ASIC2: variants seen among roughly 807,000 people sequenced by gnomAD.
ASIC2 encodes acid sensing ion channel subunit 2.
In ASIC2, 25 loss-of-function variants were observed where a neutral mutation model predicts 57.3. That is an observed-to-expected ratio of 0.44 (90% CI 0.32 to 0.61). The LOEUF is 0.61. Among genes scored for constraint, ASIC2 ranks in the 20% least tolerant of loss-of-function variants. The pLI, the probability that ASIC2 is intolerant of heterozygous loss-of-function variation, is 0.06. For missense variants in ASIC2, 641 were observed against 738.1 expected, an observed-to-expected ratio of 0.87 and a Z score of 1.52; for synonymous variants, 319 against 307.5, an observed-to-expected ratio of 1.04 and a Z score of -0.39.
chr17:33,024,012 G>C lies in ASIC2; in HGVS notation c.1198C>G (p.Leu400Val). The change falls in exon 6 of 10, where the codon CTG becomes GTG. Residue 400 changes from leucine (L) to valine (V), a missense_variant and splice_region_variant. Physicochemically the swap from Leu to Val is conservative, Grantham distance 32 (BLOSUM62 1). This residue lies in a region of ASIC2 where 252 missense variants were observed against 319.8 expected (regional missense o/e 0.79). Coordinates refer to ENST00000225823, the MANE Select transcript of ASIC2 (RefSeq NM_183377.2). ...HKECAEPALG[L>V]LAEKDSNYCL... ...TAATTGCTGTCCTTTTCCGCCAACA[G>C]ACCTGGAGGGGAGAGTGAGGTGGGG... The C allele has an allele frequency of 6.2e-7, 1 of 1,614,110 alleles. No individual in the cohort carries two copies. Among genetic ancestry groups the C allele is most frequent in the Non-Finnish European group, 8.5e-7 (1 of 1,180,016 alleles).
intron 1 of ASIC2, among the ~76,000 whole-genome samples, chr17:33,161,170 T>G (rs979963919): frequency 6.6e-6 from 1 of 152,080 alleles, no homozygotes; most frequent in African/African-American, 2.4e-5. Flanking sequence ...TGAGAAAGGG[T>G]GGGGGAGATG....
chr17:33,805,619 G>A (rs1274341929), intron 1 of ASIC2, among the ~76,000 whole-genome samples: 1 of 152,210 alleles, frequency 6.6e-6, no homozygotes, highest in Non-Finnish European at 1.5e-5. Context: ...TATATGGTGA[G>A]TAAAAGACTT....
At chr17:33,307,997 A>T (rs771641924) in intron 1 of ASIC2, among the ~76,000 whole-genome samples, 1 of 152,236 alleles carries the variant, frequency 6.6e-6, no homozygotes, top group South Asian at 2.1e-4. Context: ...TATTCATCTC[A>T]GTGCCATAGG....
intron 1 of ASIC2, among the ~76,000 whole-genome samples, chr17:33,440,903 T>A (rs1282443903): frequency 1.3e-5 from 2 of 152,226 alleles, no homozygotes; most frequent in African/African-American, 4.8e-5. Flanking sequence ...TTATTTGCAA[T>A]ATTTTTATTA....
chr17:33,323,875 A>G (rs533098854), intron 1 of ASIC2, among the ~76,000 whole-genome samples: 3 of 151,952 alleles, frequency 2.0e-5, no homozygotes, highest in Non-Finnish European at 4.4e-5. Context: ...AGTTACTAGA[A>G]ACAAGCGTGG....
chr17:33,267,514 ACT>A (rs1378879953), intron 1 of ASIC2, among the ~76,000 whole-genome samples: 1 of 152,120 alleles, frequency 6.6e-6, no homozygotes, highest in Non-Finnish European at 1.5e-5. Context: ...TCAGTCACTG[ACT>A]CTGAACCCAA....
At chr17:33,659,544 A>T (rs964011832) in intron 1 of ASIC2, among the ~76,000 whole-genome samples, 5 of 152,176 alleles carry the variant, frequency 3.3e-5, no homozygotes, top group Non-Finnish European at 5.9e-5. Flanking sequence ...AACAAAGAAA[A>T]GATACAGTAA....
chr17:33,663,619 C>T (rs558874127), intron 1 of ASIC2, among the ~76,000 whole-genome samples: 1 of 152,156 alleles, frequency 6.6e-6, no homozygotes, highest in Non-Finnish European at 1.5e-5. Flanking sequence ...AGGTTCGTGG[C>T]AGGGCTGAGT....
intron 1 of ASIC2, among the ~76,000 whole-genome samples, chr17:33,589,660 T>A (rs1232729927): frequency 1.3e-5 from 2 of 152,256 alleles, no homozygotes; most frequent in Admixed American, 1.3e-4. Flanking sequence ...CAGAACAATG[T>A]CCTTAGGATT....
chr17:33,910,043 G>A (rs1174319948), intron 1 of ASIC2, among the ~76,000 whole-genome samples: 1 of 152,156 alleles, frequency 6.6e-6, no homozygotes, highest in Non-Finnish European at 1.5e-5. Flanking sequence ...ATTGTTATGA[G>A]TGTTAAATGA....
At chr17:33,275,927 A>G (rs1857883420) in intron 1 of ASIC2, among the ~76,000 whole-genome samples, 1 of 152,194 alleles carries the variant, frequency 6.6e-6, no homozygotes, top group Non-Finnish European at 1.5e-5. Flanking sequence ...AGTTGAGATT[A>G]CCTGGGTGCT....
chr17:34,022,091 C>A (rs1907185140), intron 1 of ASIC2, among the ~76,000 whole-genome samples: 1 of 152,110 alleles, frequency 6.6e-6, no homozygotes, highest in Non-Finnish European at 1.5e-5. Flanking sequence ...CCCACCTCGG[C>A]CTTCCAAAGT....
In ASIC2 at chr17:33,019,991, G is replaced by C. The variant is rs570056751; in HGVS notation, c.1441+1228C>G. Among the ~76,000 whole-genome samples, 26 of 152,286 alleles carry C rather than the reference G, an allele frequency of 1.7e-4. No individual in the cohort carries two copies. The East Asian group carries it at 4.6e-3, about 27-fold the overall frequency. On this transcript the variant is annotated intron_variant, in intron 7 of 9. Coordinates refer to ENST00000225823, the MANE Select transcript of ASIC2 (RefSeq NM_183377.2). Reference sequence around the variant, plus strand: ...AAGGGCAAGGCCAGCATAGGGGTGAGTGAGGGGTCTATGTCTCTGCTGGGG... The same window carrying C: ...AAGGGCAAGGCCAGCATAGGGGTGACTGAGGGGTCTATGTCTCTGCTGGGG...
At chr17:33,901,393 C>T (rs908550423) in intron 1 of ASIC2, among the ~76,000 whole-genome samples, 1 of 152,076 alleles carries the variant, frequency 6.6e-6, no homozygotes, top group African/African-American at 2.4e-5. Flanking sequence ...CTGGTTCTTC[C>T]CCAAAGTCTA....
intron 1 of ASIC2, chr17:33,932,826 C>A (rs1379103963): frequency 6.9e-6 from 1 of 145,960 alleles, no homozygotes; most frequent in African/African-American, 2.5e-5. Flanking sequence ...TTTAAAAGTG[C>A]CTTTGTGGCT....
intron 3 of ASIC2, among the ~76,000 whole-genome samples, chr17:33,045,640 T>TG (rs767985883): frequency 5.7e-4 from 86 of 151,528 alleles, no homozygotes; most frequent in Middle Eastern, 3.4e-3. Flanking sequence ...GCCAGGGTCA[T>TG]GGCGGGGGCC....
At chr17:33,818,827 A>G (rs983770682) in intron 1 of ASIC2, among the ~76,000 whole-genome samples, 8 of 152,122 alleles carry the variant, frequency 5.3e-5, no homozygotes, top group Admixed American at 1.3e-4. Context: ...CTTCTTTCCT[A>G]GAGCAGCCCT....
intron 1 of ASIC2, among the ~76,000 whole-genome samples, chr17:34,086,289 A>C (rs914441159): frequency 1.3e-4 from 20 of 152,034 alleles, no homozygotes; most frequent in African/African-American, 4.3e-4. Context: ...CCTTCATTTC[A>C]TTATGTACCA....
intron 1 of ASIC2, among the ~76,000 whole-genome samples, chr17:33,863,986 C>T (rs891599092): frequency 3.0e-4 from 45 of 151,948 alleles, no homozygotes; most frequent in African/African-American, 1.0e-3. Context: ...TCACTGCAAC[C>T]TCCACCTCCC....
Sources: gnomAD v4.1 joint callset for allele counts (sites outside exome capture counted in the v4.1 genomes callset) on GRCh38, gnomAD v4.1.1 for gene constraint, gnomAD v4.1.1 regional missense constraint, MANE v1.5 for transcripts, NCBI Gene and HGNC (gene_info 2026-07-23, HGNC 2026-07-21) for gene names.